Variants in DOCK5 observed in about 807,000 individuals in gnomAD.
DOCK5 encodes dedicator of cytokinesis 5, also known as dedicator of cytokinesis protein 5.
DOCK5 carries 142 observed loss-of-function variants against 251.8 expected under a neutral mutation model. The ratio of observed to expected loss-of-function variants is 0.56; its 90% CI spans 0.49 to 0.65. The LOEUF (loss-of-function observed/expected upper bound fraction) is 0.65. DOCK5 is among the 30% of genes least tolerant of loss of function. The pLI is 0.00. For missense variants in DOCK5, 2,111 were observed against 2,312.3 expected, an observed-to-expected ratio of 0.91 and a Z score of 1.79; for synonymous variants, 842 against 835.5, an observed-to-expected ratio of 1.01 and a Z score of -0.13.
intron 11 of DOCK5, chr8:25,304,886 G>A (rs1804864288): frequency 6.6e-6 from 1 of 152,574 alleles, no homozygotes; most frequent in South Asian, 2.1e-4. Context: ...CTGCATGTTG[G>A]GGGAAAGCCA....
rs767090825 is a variant in DOCK5 at position 25,320,574 on chromosome 8, A to G, written c.1543-406A>G. ...CCCTGTAGATAGGTAAGCAGCAGAA[A>G]ACTGCTTTATGAGCCCTAATTATTA... is the stretch of plus-strand genomic sequence containing the variant. On this transcript the variant is annotated intron_variant, in intron 15 of 51. Coordinates refer to ENST00000276440, the MANE Select transcript of DOCK5 (RefSeq NM_024940.8). Among the ~76,000 whole-genome samples the G allele has an allele frequency of 3.9e-4, 59 of 152,144 alleles. 1 individual carries two copies. The highest frequency in any genetic ancestry group is 9.7e-5 in the African/African-American group (4 of 41,422).
At chr8:25,285,388 T>C in intron 5 of DOCK5, among the ~76,000 whole-genome samples, 1 of 152,146 alleles carries the variant, frequency 6.6e-6, no homozygotes. Flanking sequence ...TCAGGTGATC[T>C]GCTCGCCTTG....
intron 1 of DOCK5, among the ~76,000 whole-genome samples, chr8:25,241,704 T>A (rs895761930): frequency 2.7e-4 from 41 of 152,280 alleles, no homozygotes; most frequent in African/African-American, 9.4e-4. Context: ...CATGCACATG[T>A]ATGTTTATTG....
chr8:25,218,830 C>T (rs1016428189), intron 1 of DOCK5, among the ~76,000 whole-genome samples: 1 of 152,130 alleles, frequency 6.6e-6, no homozygotes, highest in African/African-American at 2.4e-5. Context: ...GCTTAGGTGG[C>T]AGGACCTTGA....
chr8:25,343,208 A>G (rs1800284153), intron 25 of DOCK5, among the ~76,000 whole-genome samples: 1 of 150,786 alleles, frequency 6.6e-6, no homozygotes, highest in Non-Finnish European at 1.5e-5. Flanking sequence ...GGGGTTTCAC[A>G]ATGTTGGCCA....
chr8:25,298,935 T>C lies in DOCK5; in HGVS notation c.607-9T>C. ...TCAAGATGTTTTTCTCTGTTCCCTC[T>C]TTGTTCAGTCAATCCTGCAGAACCT... On this transcript the variant is annotated splice_polypyrimidine_tract_variant and intron_variant, in intron 7 of 51. Coordinates refer to ENST00000276440, the MANE Select transcript of DOCK5 (RefSeq NM_024940.8). 6.3e-7 allele frequency: 1 copy of C among 1,599,528 alleles called. No homozygotes were observed. Among genetic ancestry groups the C allele is most frequent in the East Asian group, 2.2e-5 (1 of 44,678 alleles).
intron 22 of DOCK5, among the ~76,000 whole-genome samples, chr8:25,337,490 C>T (rs201964419): frequency 6.2e-4 from 94 of 151,384 alleles, no homozygotes; most frequent in Non-Finnish European, 1.3e-3. Context: ...AAAAAAAAAT[C>T]TTATCAGGTA....
chr8:25,407,928 T>G (rs1477073741), intron 48 of DOCK5, 55 bp from the exon 49 acceptor site: 16 of 1,526,160 alleles, frequency 1.0e-5, no homozygotes, highest in Non-Finnish European at 1.4e-5. Flanking sequence ...CATAGTGAAT[T>G]TTGATTGCAA....
chr8:25,254,804 AAC>A (rs1563326306), intron 2 of DOCK5, among the ~76,000 whole-genome samples: 11 of 145,700 alleles, frequency 7.5e-5, no homozygotes, highest in African/African-American at 2.9e-4. Context: ...AAAAAAAAAA[AAC>A]ATTTGATAAA....
At chr8:25,396,931 C>T (rs1801356325) in intron 45 of DOCK5, among the ~76,000 whole-genome samples, 2 of 152,040 alleles carry the variant, frequency 1.3e-5, no homozygotes, top group Admixed American at 1.3e-4. Context: ...GAGAAGAATG[C>T]CTGACTTGGC....
In DOCK5 at chr8:25,240,123, G is replaced by C. The variant is rs560989893; in HGVS notation, c.44-3551G>C. ...TGAGTGACTATCCATTCATCAGTGT[G>C]GATGGCCACTCATCAGGCCTGCAGA... On this transcript the variant is annotated intron_variant, in intron 1 of 51. Coordinates refer to ENST00000276440, the MANE Select transcript of DOCK5 (RefSeq NM_024940.8). Among the ~76,000 whole-genome samples, 5 of 152,248 alleles carry C rather than the reference G, an allele frequency of 3.3e-5. No individual in the cohort carries two copies. In the South Asian group the frequency reaches 1.0e-3, roughly 32 times the overall value.
At chr8:25,394,060 T>A (rs980879393) in intron 44 of DOCK5, among the ~76,000 whole-genome samples, 1 of 152,120 alleles carries the variant, frequency 6.6e-6, no homozygotes, top group Non-Finnish European at 1.5e-5. Flanking sequence ...GACCCCCACC[T>A]CTACAAAAAG....
At chr8:25,368,143 A>C in intron 31 of DOCK5, 49 bp from the exon 32 acceptor site, 1 of 1,437,486 alleles carries the variant, frequency 7.0e-7, no homozygotes. Flanking sequence ...TGTTTATGCA[A>C]TTCATTTCTA....
chr8:25,328,793 A>G (rs1033789139), intron 18 of DOCK5, among the ~76,000 whole-genome samples: 1 of 152,190 alleles, frequency 6.6e-6, no homozygotes, highest in African/African-American at 2.4e-5. Context: ...TTCCCAGGAA[A>G]AAGAGAGGAA....
chr8:25,185,835 C>G (rs1801416304), intron 1 of DOCK5, among the ~76,000 whole-genome samples: 1 of 152,140 alleles, frequency 6.6e-6, no homozygotes, highest in South Asian at 2.1e-4. Context: ...AGTCAGGCTC[C>G]TTTGGCTTTT....
At chr8:25,210,134 A>G (rs1470228601) in intron 1 of DOCK5, among the ~76,000 whole-genome samples, 1 of 47,352 alleles carries the variant, frequency 2.1e-5, no homozygotes, top group East Asian at 4.2e-4. Context: ...CTATCTATCT[A>G]TCGAGTAGAG....
rs772369550 is a variant in DOCK5, at chr8:25,415,661, C to T, written c.*4363C>T. ...TGCATTGAAGTAGGAAAATTTTGTT[C>T]AGATTTGCTGTTATTTATTTTTTAA... is the stretch of plus-strand genomic sequence containing the variant. On this transcript the variant is annotated 3_prime_UTR_variant, in exon 52 of 52. Transcript: ENST00000276440. The T allele has an allele frequency of 3.9e-5, 6 of 152,120 alleles. No individual in the cohort carries two copies. The highest frequency in any genetic ancestry group is 8.8e-5 in the Non-Finnish European group (6 of 68,012). The allele number at this position is 152,120 out of a possible 1,614,324, so 9.4% of individuals were successfully genotyped here.
chr8:25,405,221 A>G (rs1322351490), intron 48 of DOCK5, among the ~76,000 whole-genome samples: 2 of 149,246 alleles, frequency 1.3e-5, no homozygotes, highest in East Asian at 3.9e-4. Context: ...TCTGGGTTTT[A>G]TTTCACAATT....
intron 40 of DOCK5, among the ~76,000 whole-genome samples, chr8:25,383,813 C>A (rs1237386513): frequency 6.6e-6 from 1 of 152,120 alleles, no homozygotes; most frequent in Non-Finnish European, 1.5e-5. Flanking sequence ...CGAGATCACA[C>A]CACTGCACTC....
Sources: allele counts gnomAD v4.1 joint callset (sites outside exome capture counted in the v4.1 genomes callset), GRCh38; gene constraint gnomAD v4.1.1; transcripts MANE v1.5; gene names NCBI Gene and HGNC (gene_info 2026-07-23, HGNC 2026-07-21).